The following CYLD variants were observed in gnomAD, a reference collection of about 807,000 sequenced individuals.
The protein encoded by CYLD is CYLD lysine 63 deubiquitinase.
Under a neutral mutation model 104.5 loss-of-function variants are expected in CYLD, and 26 were observed. The observed-to-expected ratio is 0.25, with a 90% CI of 0.18 to 0.35. CYLD has a LOEUF of 0.35. CYLD is among the 10% of genes least tolerant of loss of function. The pLI, the probability that CYLD is intolerant of heterozygous loss-of-function variation, is 1.00. For missense variants in CYLD, 703 were observed against 1,136.1 expected (o/e 0.62, Z 5.48); for synonymous variants, 385 against 399.9 (o/e 0.96, Z 0.45).
intron 13 of CYLD, chr16:50,787,279 C>T (rs1033007882): frequency 5.4e-5 from 17 of 316,760 alleles, no homozygotes; most frequent in African/African-American, 2.6e-4. Flanking sequence ...CTACATTTTC[C>T]CACTGAGTCT....
In CYLD at chr16:50,751,605, A is replaced by G; in HGVS notation, c.506A>G (p.Glu169Gly). Residue 169 changes from glutamate to glycine, a missense_variant and splice_region_variant, in exon 4 of 19, where the codon GAA (glutamate) becomes GGA (glycine). Physicochemically the swap from Glu to Gly is moderately conservative, Grantham distance 98. Coordinates refer to ENST00000427738, the MANE Select transcript of CYLD (RefSeq NM_001378743.1). ...SGIFFGVELL[E>G]EGRGQGFTDG... ...TTTCCCTTCTCTCTTAAAAACTAGG[A>G]AGAAGGTCGTGGTCAAGGTTTCACT... is the stretch of plus-strand genomic sequence containing the variant. 6.2e-7 allele frequency: 1 copy of G among 1,613,356 alleles called. No individual in the cohort carries two copies. Among genetic ancestry groups the G allele is most frequent in the Non-Finnish European group, 8.5e-7 (1 of 1,179,486 alleles).
At chr16:50,779,545 A>T (rs1322558492) in intron 8 of CYLD, 120 bp from the exon 9 acceptor site, 1 of 849,830 alleles carries the variant, frequency 1.2e-6, no homozygotes, top group African/African-American at 1.7e-5. Context: ...CTATGAGAGT[A>T]CTATTAATAG....
chr16:50,760,601 CTT>C (rs1397733977), intron 5 of CYLD, among the ~76,000 whole-genome samples: 1 of 152,026 alleles, frequency 6.6e-6, no homozygotes, highest in Non-Finnish European at 1.5e-5. Flanking sequence ...TGTTAGAACT[CTT>C]TGTATATTTG....
At chr16:50,755,551 T>C (rs892858930) in intron 5 of CYLD, among the ~76,000 whole-genome samples, 1 of 152,142 alleles carries the variant, frequency 6.6e-6, no homozygotes, top group Non-Finnish European at 1.5e-5. Context: ...TCTTTTTTGA[T>C]TTTTTGATTA....
chr16:50,769,078 T>C (rs1968835785), intron 5 of CYLD, among the ~76,000 whole-genome samples: 1 of 152,360 alleles, frequency 6.6e-6, no homozygotes, highest in East Asian at 1.9e-4. Context: ...TCTATATCCA[T>C]TCACTTGTTG....
At position 50,797,205 on chromosome 16, in the gene CYLD, G is replaced by A. The variant is rs1341165948; in HGVS notation, c.*697G>A. ...TCCTGGAGGATTAGGGTATTTAGCA[G>A]TTGAAGCTCTTCATTCATAGTAGTT... On this transcript the variant is annotated 3_prime_UTR_variant, in exon 19 of 19. Transcript: ENST00000427738. 4.3e-6 allele frequency: 1 copy of A among 232,814 alleles called. No homozygotes were observed. Among genetic ancestry groups the A allele is most frequent in the African/African-American group, 2.2e-5 (1 of 45,320 alleles). 14.4% of individuals were successfully genotyped at this position (232,814 alleles called of 1,614,324 possible). A position where few individuals can be genotyped will look rare whatever the true frequency, so the allele number is the denominator to read the frequency against.
Position 50,770,117 on chromosome 16 carries a change from TGTGTAG to T in CYLD, c.914-5048_914-5043del, listed in dbSNP as rs1968984551. On this transcript the variant is annotated intron_variant, in intron 5 of 18. Transcript: ENST00000427738. ...TGAATAATGCTTTTATAAATATTTG[TGTGTAG>T]TTTCCTGAGTGCACATAAATCTTTA... 1.3e-5 allele frequency among the ~76,000 whole-genome samples: 2 copies of T among 152,254 alleles called. 1 individual carries two copies. The highest frequency in any genetic ancestry group is 4.1e-4 in the South Asian group (2 of 4,836).
intron 14 of CYLD, among the ~76,000 whole-genome samples, chr16:50,790,238 AAACT>A (rs1180243777): frequency 6.6e-6 from 1 of 152,242 alleles, no homozygotes; most frequent in Non-Finnish European, 1.5e-5. Context: ...CAGTAAAACA[AAACT>A]GAGTTTAGAA....
intron 5 of CYLD, among the ~76,000 whole-genome samples, chr16:50,770,391 G>A (rs562348452): frequency 6.6e-6 from 1 of 151,434 alleles, no homozygotes; most frequent in South Asian, 2.1e-4. Flanking sequence ...CCTGATGGCT[G>A]CTGATGTTGA....
intron 5 of CYLD, 176 bp downstream of exon 5, chr16:50,754,600 C>T (rs1352970207): frequency 8.8e-6 from 5 of 570,830 alleles, no homozygotes; most frequent in Non-Finnish European, 1.5e-5. Context: ...CTCCGTACCC[C>T]ATGTGTAGTC....
chr16:50,763,391 G>A (rs1968165582), intron 5 of CYLD, among the ~76,000 whole-genome samples: 1 of 152,158 alleles, frequency 6.6e-6, no homozygotes, highest in Non-Finnish European at 1.5e-5. Flanking sequence ...ATATCTAGGA[G>A]TGGAATTGCT....
intron 18 of CYLD, among the ~76,000 whole-genome samples, chr16:50,795,990 C>T (rs1254172428): frequency 6.6e-6 from 1 of 152,102 alleles, no homozygotes. Context: ...TGGCTTGTGT[C>T]TGGGAGGAAA....
In CYLD at chr16:50,796,343, C is replaced by T; in HGVS notation, c.2706C>T (p.Asn902=). The change falls in exon 19 of 19, where the codon AAC becomes AAT. Residue 902 remains asparagine (N), a synonymous_variant. Transcript: ENST00000427738. ...CCATAGGTGGTCAGAATGGCTTCAACATTCCTCAAGTCACCCCATGCCCAG... is the reference window on the plus strand; with the variant it reads ...CCATAGGTGGTCAGAATGGCTTCAATATTCCTCAAGTCACCCCATGCCCAG... ...ADRDGGQNGF[N]IPQVTPCPEV... is the part of the protein sequence containing the mutation. 3 of 1,614,170 alleles carry T rather than the reference C, an allele frequency of 1.9e-6. No homozygotes were observed. Among genetic ancestry groups the T allele is most frequent in the Non-Finnish European group, 2.5e-6 (3 of 1,180,014 alleles).
chr16:50,755,653 C>T (rs772174714), intron 5 of CYLD, among the ~76,000 whole-genome samples: 1 of 152,066 alleles, frequency 6.6e-6, no homozygotes, highest in African/African-American at 2.4e-5. Flanking sequence ...TTCCCATATG[C>T]TTGTTGGCTA....
chr16:50,771,282 G>T (rs868124231), intron 5 of CYLD, among the ~76,000 whole-genome samples: 1 of 147,656 alleles, frequency 6.8e-6, no homozygotes, highest in Non-Finnish European at 1.5e-5. Flanking sequence ...TTTGTGTCTG[G>T]CTTCTTCAGT....
At chr16:50,761,909 GT>G (rs1967985576) in intron 5 of CYLD, among the ~76,000 whole-genome samples, 1 of 152,110 alleles carries the variant, frequency 6.6e-6, no homozygotes. Context: ...CTCTTTACTG[GT>G]TTGAGAGGCC....
intron 5 of CYLD, among the ~76,000 whole-genome samples, chr16:50,763,223 A>G (rs1968146335): frequency 6.6e-6 from 1 of 152,240 alleles, no homozygotes; most frequent in African/African-American, 2.4e-5. Flanking sequence ...TTAAGGCAGA[A>G]TAATATTCCA....
chr16:50,783,217 G>A (rs890256259), intron 11 of CYLD, among the ~76,000 whole-genome samples: 1 of 152,104 alleles, frequency 6.6e-6, no homozygotes, highest in Non-Finnish European at 1.5e-5. Context: ...ACGGGCATGA[G>A]CCACCACGCC....
chr16:50,778,225 T>G, intron 8 of CYLD: 1 of 230,672 alleles, frequency 4.3e-6, no homozygotes, highest in South Asian at 1.2e-4. Context: ...TTTAAAGCAC[T>G]CCCTTTTAAA....
Sources: gnomAD v4.1 joint callset for allele counts (sites outside exome capture counted in the v4.1 genomes callset) on GRCh38, gnomAD v4.1.1 for gene constraint, MANE v1.5 for transcripts, NCBI Gene and HGNC (gene_info 2026-07-23, HGNC 2026-07-21) for gene names.